DSTYK: variants seen among roughly 807,000 people sequenced by gnomAD.
DSTYK encodes RIP-homologous kinase.
DSTYK carries 34 observed loss-of-function variants against 98.7 expected under a neutral mutation model. The ratio of observed to expected loss-of-function variants is 0.34; its 90% CI spans 0.26 to 0.46. The LOEUF (loss-of-function observed/expected upper bound fraction) is 0.46. Among genes scored for constraint, DSTYK ranks in the 20% least tolerant of loss-of-function variants. The pLI is 1.00. For synonymous variants in DSTYK, 462 were observed against 457.3 expected, an observed-to-expected ratio of 1.01 and a Z score of -0.13; for missense variants, 962 against 1,181.7, an observed-to-expected ratio of 0.81 and a Z score of 2.73.
In DSTYK at chr1:205,181,653, G is replaced by GGGGTGTGTGT. The variant is rs758360038; in HGVS notation, c.654+5764_654+5765insACACACACCC. On this transcript the variant is annotated intron_variant, in intron 2 of 12. Coordinates refer to ENST00000367162, the MANE Select transcript of DSTYK (RefSeq NM_015375.3). The stretch of plus-strand genomic sequence containing the variant: ...CACAGATGTGAGCCACAGATGTTGG[G>GGGGTGTGTGT]GTTTGTGTGTGTGTGTGTGTGTGTG... Among the ~76,000 whole-genome samples, 115 of 84,042 alleles carry GGGGTGTGTGT rather than the reference G, an allele frequency of 1.4e-3. 2 individuals are homozygous for GGGGTGTGTGT. The highest frequency in any genetic ancestry group is 0.01 in the East Asian group (40 of 3,940). 55.1% of individuals were successfully genotyped at this position (84,042 alleles called of 152,430 possible). A position where few individuals can be genotyped will look rare whatever the true frequency, so the allele number is the denominator to read the frequency against.
At chr1:205,163,151 C>A in intron 4 of DSTYK, 145 bp from the exon 5 acceptor site, 1 of 673,486 alleles carries the variant, frequency 1.5e-6, no homozygotes, top group South Asian at 1.7e-5. Context: ...TCAACTTAAG[C>A]TGATTATTTA....
At chr1:205,168,690 T>C (rs1439070034) in intron 3 of DSTYK, among the ~76,000 whole-genome samples, 1 of 152,180 alleles carries the variant, frequency 6.6e-6, no homozygotes, top group Non-Finnish European at 1.5e-5. Context: ...AATAGGACTG[T>C]CAAAAGGCTA....
chr1:205,159,087 ATTT>A (rs200440178), intron 9 of DSTYK, among the ~76,000 whole-genome samples: 1 of 149,840 alleles, frequency 6.7e-6, no homozygotes, highest in African/African-American at 2.5e-5. Flanking sequence ...ATCTTTAAAA[ATTT>A]TTTTTTTTTA....
intron 8 of DSTYK, 90 bp from the exon 9 acceptor site, chr1:205,159,769 C>T (rs1358926071): frequency 6.5e-7 from 1 of 1,543,336 alleles, no homozygotes; most frequent in African/African-American, 1.4e-5. Flanking sequence ...ATTTCCAGAC[C>T]ATGCTTAGGA....
At chr1:205,204,669 A>G (rs1659149269) in intron 1 of DSTYK, among the ~76,000 whole-genome samples, 2 of 152,296 alleles carry the variant, frequency 1.3e-5, no homozygotes, top group South Asian at 4.1e-4. Context: ...AAGTTGTACA[A>G]GTATCATCAC....
At chr1:205,166,519 C>CT (rs919971669) in intron 3 of DSTYK, among the ~76,000 whole-genome samples, 11 of 151,930 alleles carry the variant, frequency 7.2e-5, no homozygotes, top group African/African-American at 2.7e-4. Context: ...TAGCTTGCTT[C>CT]TAAATCTTCT....
At chr1:205,160,907 T>C (rs1275989444) in intron 7 of DSTYK, among the ~76,000 whole-genome samples, 5 of 151,574 alleles carry the variant, frequency 3.3e-5, no homozygotes, top group Non-Finnish European at 7.4e-5. Context: ...CTGAGCCTCC[T>C]GAGGAGCTGG....
intron 2 of DSTYK, among the ~76,000 whole-genome samples, chr1:205,182,563 T>C (rs564030003): frequency 6.8e-6 from 1 of 148,082 alleles, no homozygotes; most frequent in East Asian, 2.0e-4. Context: ...CCCGGCACTT[T>C]GGGAGGCCGA....
At chr1:205,177,866 C>CA (rs112834093) in intron 2 of DSTYK, among the ~76,000 whole-genome samples, 1,374 of 125,816 alleles carry the variant, frequency 0.011, 23 homozygotes, top group African/African-American at 0.036. Context: ...GACTTCATCT[C>CA]AAAAAAAAAA....
intron 12 of DSTYK, 58 bp from the exon 13 acceptor site, chr1:205,147,803 G>C: frequency 6.4e-7 from 1 of 1,563,956 alleles, no homozygotes; most frequent in South Asian, 1.1e-5. Context: ...ACAACAAAGA[G>C]GCATGACCAG....
rs1050653832 is a variant in DSTYK at position 205,144,010 on chromosome 1, C to G, written c.*3548G>C. 1.3e-5 allele frequency: 2 copies of G among 152,694 alleles called. No individual in the cohort carries two copies. The highest frequency in any genetic ancestry group is 4.8e-5 in the African/African-American group (2 of 41,466). 9.5% of individuals were successfully genotyped at this position (152,694 alleles called of 1,614,324 possible). ...AAGCGCTTGCTCAGTCAATGAGCTA[C>G]TCTTTGCAGAGGATCAGGGAACTAA... On this transcript the variant is annotated 3_prime_UTR_variant, in exon 13 of 13. Transcript: ENST00000367162.
At position 205,169,801 on chromosome 1, in the gene DSTYK, C is replaced by T. The variant is rs761109084; in HGVS notation, c.686G>A (p.Gly229Asp). 3 of 1,613,642 alleles carry T rather than the reference C, an allele frequency of 1.9e-6. No homozygotes were observed. Among genetic ancestry groups the T allele is most frequent in the African/African-American group, 2.7e-5 (2 of 74,912 alleles). Residue 229 changes from glycine to aspartate, a missense_variant, in exon 3 of 13, where the codon GGC becomes GAC. By Grantham distance (94) the Gly-to-Asp change is moderately conservative. This residue lies in a region of DSTYK where 660 missense variants were observed against 855.0 expected (regional missense o/e 0.77). Coordinates refer to ENST00000367162, the MANE Select transcript of DSTYK (RefSeq NM_015375.3). This position sits in a 1 kb window ranked among gnomAD's most constrained non-coding sequence, Gnocchi z 4.0. Reference protein sequence around the residue: ...EVDVVVAPCQGLRPTVDVLGD... With the variant: ...EVDVVVAPCQDLRPTVDVLGD... ...CAGAACATCCACTGTGGGCCGGAGGCCTTGGCATGGTGCTACCACAACGTC... is the reference window on the plus strand; with the variant it reads ...CAGAACATCCACTGTGGGCCGGAGGTCTTGGCATGGTGCTACCACAACGTC...
In DSTYK at chr1:205,169,596, C is replaced by T. The variant is rs1438044369; in HGVS notation, c.891G>A (p.Glu297=). ...GGCGATAAAGCGGTGATCTTTCGCTCTCCATTCTCCTGGTTGAGGAGTCTA... is the reference window on the plus strand; with the variant it reads ...GGCGATAAAGCGGTGATCTTTCGCTTTCCATTCTCCTGGTTGAGGAGTCTA... ...EIIDSSTRRM[E]SERSPLYRQL... The change falls in exon 3 of 13, where the codon GAG becomes GAA. Residue 297 remains glutamate (E), a synonymous_variant. Coordinates refer to ENST00000367162, the MANE Select transcript of DSTYK (RefSeq NM_015375.3). This position sits in a 1 kb window ranked among gnomAD's most constrained non-coding sequence, Gnocchi z 4.0. The T allele has an allele frequency of 6.8e-6, 11 of 1,614,182 alleles. No individual in the cohort carries two copies. Among genetic ancestry groups the T allele is most frequent in the East Asian group, 2.2e-5 (1 of 44,878 alleles).
rs764177967 is a variant in DSTYK, at chr1:205,159,690, G to GGA, written c.2106-13_2106-12dup. 1.1e-5 allele frequency: 18 copies of GGA among 1,612,792 alleles called. No homozygotes were observed. Among genetic ancestry groups the GGA allele is most frequent in the Middle Eastern group, 3.8e-4 (2 of 5,198 alleles). On this transcript the variant is annotated splice_polypyrimidine_tract_variant and intron_variant, in intron 8 of 12. Coordinates refer to ENST00000367162, the MANE Select transcript of DSTYK (RefSeq NM_015375.3). ...TGCTTCGGCAGAGACCTGGAGGGAA[G>GGA]GAGAGAGATCTGGGCTACAAGGCTT... is the stretch of plus-strand genomic sequence containing the variant.
Position 205,211,552 on chromosome 1 carries a change from G to A in DSTYK, c.-17C>T. ...GCCCTCCATCGCCTCTGCCCGCTCT[G>A]TCTTTGCGGCTCGGTCCCCGGCCGC... is the stretch of plus-strand genomic sequence containing the variant. On this transcript the variant is annotated 5_prime_UTR_variant, in exon 1 of 13. Coordinates refer to ENST00000367162, the MANE Select transcript of DSTYK (RefSeq NM_015375.3). The A allele has an allele frequency of 3.4e-6, 5 of 1,477,922 alleles. No individual in the cohort carries two copies. The highest frequency in any genetic ancestry group is 4.5e-6 in the Non-Finnish European group (5 of 1,122,158). The allele number at this position is 1,477,922 out of a possible 1,614,324, so 91.6% of individuals were successfully genotyped here. A position where few individuals can be genotyped will look rare whatever the true frequency, so the allele number is the denominator to read the frequency against.
intron 2 of DSTYK, among the ~76,000 whole-genome samples, chr1:205,177,995 A>G (rs963359300): frequency 1.3e-5 from 2 of 152,210 alleles, no homozygotes; most frequent in Non-Finnish European, 1.5e-5. Flanking sequence ...ACTGGGATCA[A>G]TGTGAAGGCA....
intron 11 of DSTYK, among the ~76,000 whole-genome samples, chr1:205,148,976 C>G (rs1020827653): frequency 2.0e-5 from 3 of 149,748 alleles, no homozygotes; most frequent in African/African-American, 7.4e-5. Context: ...GATCTCGGCT[C>G]ACCACAACTT....
In DSTYK at chr1:205,163,719, CT is replaced by C; in HGVS notation, c.1557+3del. ...CGATGTCTTAAAAATCATTCTTTGT[CT>C]ACCTGTTTGAGATAATTACTGGTGA... On this transcript the variant is annotated splice_donor_region_variant and intron_variant, in intron 4 of 12. Transcript: ENST00000367162. 1.2e-6 allele frequency: 2 copies of C among 1,610,310 alleles called. No individual in the cohort carries two copies. The highest frequency in any genetic ancestry group is 1.7e-6 in the Non-Finnish European group (2 of 1,177,240).
chr1:205,169,795 C>T lies in DSTYK; in HGVS notation c.692G>A (p.Arg231Gln), dbSNP rs1349565747. Reference sequence around the variant, plus strand: ...GTCACCCAGAACATCCACTGTGGGCCGGAGGCCTTGGCATGGTGCTACCAC... The same window carrying T: ...GTCACCCAGAACATCCACTGTGGGCTGGAGGCCTTGGCATGGTGCTACCAC... Reference protein sequence around the residue: ...DVVVAPCQGLRPTVDVLGDLV... With the variant: ...DVVVAPCQGLQPTVDVLGDLV... The change falls in exon 3 of 13, where the codon CGG becomes CAG. Residue 231 changes from arginine (R) to glutamine (Q), a missense_variant. Physicochemically the swap from Arg to Gln is conservative, Grantham distance 43. This residue lies in a region of DSTYK where 660 missense variants were observed against 855.0 expected (regional missense o/e 0.77). Transcript: ENST00000367162. The surrounding 1 kb of genome is among the most constrained non-coding windows in gnomAD (Gnocchi z 4.0). 4.3e-6 allele frequency: 7 copies of T among 1,613,946 alleles called. No homozygotes were observed. In the South Asian group the frequency reaches 4.4e-5, roughly 10 times the overall value.
Sources: gnomAD v4.1 joint callset for allele counts (sites outside exome capture counted in the v4.1 genomes callset) on GRCh38, gnomAD v4.1.1 for gene constraint, gnomAD v4.1.1 regional missense constraint, Gnocchi (gnomAD v3.1) non-coding constraint, MANE v1.5 for transcripts, NCBI Gene and HGNC (gene_info 2026-07-23, HGNC 2026-07-21) for gene names.